The following SHISA9 variants were observed in gnomAD, a reference collection of about 807,000 sequenced individuals.
The protein encoded by SHISA9 is protein shisa-9.
In SHISA9, 13 loss-of-function variants were observed where a neutral mutation model predicts 38.0. That is an observed-to-expected ratio of 0.34 (90% confidence interval 0.22 to 0.54). The LOEUF (loss-of-function observed/expected upper bound fraction) is 0.54. Ranked by LOEUF, SHISA9 falls within the 20% of genes least tolerant of loss-of-function variation. The probability of loss-of-function intolerance (pLI) is 0.91; values close to 1 mark genes in which losing one functional copy is unlikely to be tolerated. For synonymous variants in SHISA9, 275 were observed against 242.0 expected, an observed-to-expected ratio of 1.14 and a Z score of -1.27; for missense variants, 538 against 575.8, an observed-to-expected ratio of 0.93 and a Z score of 0.67.
In SHISA9 at chr16:12,929,444, G is replaced by A. The variant is rs188146229; in HGVS notation, c.691+12629G>A. Among the ~76,000 whole-genome samples the A allele has an allele frequency of 1.2e-4, 18 of 152,286 alleles. No homozygotes were observed. The East Asian group carries it at 3.3e-3, about 28-fold the overall frequency. ...GAAAATGTGGTACAGATACACCATG[G>A]AATACTATGCAGCCATAAAAAGGAA... On this transcript the variant is annotated intron_variant, in intron 2 of 4. Coordinates refer to ENST00000558583, the MANE Select transcript of SHISA9 (RefSeq NM_001145204.3).
intron 2 of SHISA9, among the ~76,000 whole-genome samples, chr16:13,030,295 G>A (rs12927875): frequency 0.6 from 90,902 of 151,854 alleles, 28,252 homozygotes; most frequent in Middle Eastern, 0.74. Flanking sequence ...GTGAGGTGAA[G>A]TGCTTCTAGA....
At chr16:13,213,339 T>G in intron 4 of SHISA9, 39 bp downstream of exon 4, 1 of 1,541,178 alleles carries the variant, frequency 6.5e-7, no homozygotes, top group Middle Eastern at 1.7e-4. Flanking sequence ...GTCCAGGTGT[T>G]GTCAAAGTTA....
At chr16:13,187,657 C>G (rs951153151) in intron 2 of SHISA9, among the ~76,000 whole-genome samples, 1 of 151,936 alleles carries the variant, frequency 6.6e-6, no homozygotes, top group African/African-American at 2.4e-5. Context: ...TTTTGAAGGT[C>G]TAGAAAAGAG....
chr16:13,347,317 T>C, the SHISA9 span, among the ~76,000 whole-genome samples: 1 of 152,190 alleles, frequency 6.6e-6, no homozygotes, highest in Non-Finnish European at 1.5e-5. Flanking sequence ...GGTCATAGCC[T>C]CAGCATAAAG....
chr16:13,272,921 AT>A, the SHISA9 span, among the ~76,000 whole-genome samples: 6 of 151,994 alleles, frequency 3.9e-5, no homozygotes, highest in African/African-American at 1.4e-4. Flanking sequence ...ACTCACTGAT[AT>A]TTTTTCTCTC....
At chr16:12,948,073 T>C (rs2071709648) in intron 2 of SHISA9, among the ~76,000 whole-genome samples, 1 of 152,206 alleles carries the variant, frequency 6.6e-6, no homozygotes, top group Non-Finnish European at 1.5e-5. Flanking sequence ...CTAGACAATG[T>C]GTGCCAAACC....
chr16:12,926,316 T>C (rs936264884), intron 2 of SHISA9, among the ~76,000 whole-genome samples: 2 of 152,176 alleles, frequency 1.3e-5, no homozygotes, highest in South Asian at 2.1e-4. Context: ...CTGCTGAGAA[T>C]TGCAGTATTA....
chr16:13,235,887 A>G lies in SHISA9; in HGVS notation c.*478A>G. On this transcript the variant is annotated 3_prime_UTR_variant, in exon 5 of 5. Coordinates refer to ENST00000558583, the MANE Select transcript of SHISA9 (RefSeq NM_001145204.3). ...GGGGTAGAGAATGAGGGAGGACACA[A>G]GAGAAGAGTGTATTCTGGAAGAGGA... 1 of 155,804 alleles carries G rather than the reference A, an allele frequency of 6.4e-6. No individual in the cohort carries two copies. The highest frequency in any genetic ancestry group is 1.4e-5 in the Non-Finnish European group (1 of 70,464). 9.7% of individuals were successfully genotyped at this position (155,804 alleles called of 1,614,324 possible).
At chr16:13,327,211 G>A in the SHISA9 span, among the ~76,000 whole-genome samples, 1 of 152,274 alleles carries the variant, frequency 6.6e-6, no homozygotes, top group Middle Eastern at 3.4e-3. Flanking sequence ...TGCACTAGAA[G>A]TGTAAGCATG....
In SHISA9 at chr16:12,980,583, T is replaced by A. The variant is rs1045442008; in HGVS notation, c.691+63768T>A. Among the ~76,000 whole-genome samples, 12 of 150,704 alleles carry A rather than the reference T, an allele frequency of 8.0e-5. No individual in the cohort carries two copies. The South Asian group carries it at 1.5e-3, about 18-fold the overall frequency. The stretch of plus-strand genomic sequence containing the variant: ...ATGTGTCTAAATATGTTTTTTTTTT[T>A]AATTTCTCTTTTGGAACTTTTTTAA... On this transcript the variant is annotated intron_variant, in intron 2 of 4. Coordinates refer to ENST00000558583, the MANE Select transcript of SHISA9 (RefSeq NM_001145204.3).
intron 2 of SHISA9, among the ~76,000 whole-genome samples, chr16:12,977,832 G>A (rs1157174523): frequency 6.6e-6 from 1 of 152,044 alleles, no homozygotes; most frequent in Admixed American, 6.6e-5. Flanking sequence ...GGGGAGGGGG[G>A]AGAGTGAGAG....
chr16:13,538,578 G>C, the SHISA9 span, among the ~76,000 whole-genome samples: 1 of 152,102 alleles, frequency 6.6e-6, no homozygotes, highest in Non-Finnish European at 1.5e-5. Flanking sequence ...TTGCTTCCTA[G>C]TCTAAATGGT....
At chr16:12,963,925 C>T (rs979690095) in intron 2 of SHISA9, among the ~76,000 whole-genome samples, 2 of 152,218 alleles carry the variant, frequency 1.3e-5, no homozygotes, top group African/African-American at 4.8e-5. Context: ...GTAATCCCTT[C>T]CCTCTGGTCC....
At chr16:13,447,928 AC>A in the SHISA9 span, among the ~76,000 whole-genome samples, 1 of 152,352 alleles carries the variant, frequency 6.6e-6, no homozygotes, top group African/African-American at 2.4e-5. Flanking sequence ...GAAAAGACAT[AC>A]AAAAGTCATT....
rs79209296 is a variant in SHISA9 at position 12,955,251 on chromosome 16, C to G, written c.691+38436C>G. Among the ~76,000 whole-genome samples, 743 of 152,182 alleles carry G rather than the reference C, an allele frequency of 4.9e-3. 25 individuals are homozygous for G. Among genetic ancestry groups the G allele is most frequent in the East Asian group, 0.013 (69 of 5,182 alleles). ...CCCAGACACAAGTATTTTTTCTCCTCCATAGTTTGGTTCACTTAATGGCCA... is the reference window on the plus strand; with the variant it reads ...CCCAGACACAAGTATTTTTTCTCCTGCATAGTTTGGTTCACTTAATGGCCA... On this transcript the variant is annotated intron_variant, in intron 2 of 4. Coordinates refer to ENST00000558583, the MANE Select transcript of SHISA9 (RefSeq NM_001145204.3).
intron 2 of SHISA9, among the ~76,000 whole-genome samples, chr16:13,075,717 T>C (rs574544133): frequency 6.6e-6 from 1 of 152,312 alleles, no homozygotes; most frequent in South Asian, 2.1e-4. Flanking sequence ...CTGAAGGTAC[T>C]ATTGATTCAC....
chr16:13,096,785 G>A (rs2073832584), intron 2 of SHISA9, among the ~76,000 whole-genome samples: 1 of 152,098 alleles, frequency 6.6e-6, no homozygotes, highest in Admixed American at 6.6e-5. Flanking sequence ...AACATCTAAA[G>A]CTTGTTCTCA....
chr16:13,125,574 GAC>G (rs1216106436), intron 2 of SHISA9, among the ~76,000 whole-genome samples: 1 of 152,178 alleles, frequency 6.6e-6, no homozygotes, highest in Admixed American at 6.5e-5. Flanking sequence ...TGGTGGATGA[GAC>G]ACTATATTAG....
chr16:13,470,948 G>T, the SHISA9 span, among the ~76,000 whole-genome samples: 3 of 151,986 alleles, frequency 2.0e-5, no homozygotes, highest in Non-Finnish European at 4.4e-5. Context: ...TCAAGAAACA[G>T]AAGTGAGGAA....
Sources: allele counts gnomAD v4.1 joint callset (sites outside exome capture counted in the v4.1 genomes callset), GRCh38; gene constraint gnomAD v4.1.1; transcripts MANE v1.5; gene names NCBI Gene and HGNC (gene_info 2026-07-23, HGNC 2026-07-21).